Variants in ALDH3A1 observed in about 807,000 individuals in gnomAD.
ALDH3A1 encodes aldehyde dehydrogenase 3 family member A1, also known as aldehyde dehydrogenase, dimeric NADP-preferring.
Under a neutral mutation model 49.9 loss-of-function variants are expected in ALDH3A1, and 46 were observed. That is an observed-to-expected ratio of 0.92 (90% CI 0.73 to 1.18). The LOEUF (loss-of-function observed/expected upper bound fraction) is 1.18. ALDH3A1 is among the 50% of genes most tolerant of loss of function. The pLI, the probability that ALDH3A1 is intolerant of heterozygous loss-of-function variation, is 0.00. For synonymous variants in ALDH3A1, 269 were observed against 253.3 expected, an observed-to-expected ratio of 1.06 and a Z score of -0.59; for missense variants, 592 against 611.8, an observed-to-expected ratio of 0.97 and a Z score of 0.34.
At position 19,739,619 on chromosome 17, in the gene ALDH3A1, G is replaced by A; in HGVS notation, c.1005C>T (p.Ile335=). ...ACACGATGGGCAGCACAGGCCCGAA[G>A]ATCTCCTCTTGCATCACCGGGGACT... ...DPQSPVMQEE[I]FGPVLPIVCV... The change falls in exon 8 of 11, where the codon ATC becomes ATT. Residue 335 remains isoleucine, a synonymous_variant. Coordinates refer to ENST00000225740, the MANE Select transcript of ALDH3A1 (RefSeq NM_000691.5). 6.2e-7 allele frequency: 1 copy of A among 1,614,010 alleles called. No homozygotes were observed. The highest frequency in any genetic ancestry group is 8.5e-7 in the Non-Finnish European group (1 of 1,179,978).
At position 19,741,077 on chromosome 17, in the gene ALDH3A1, AG is replaced by A. The variant is rs1161570345; in HGVS notation, c.807+15del. On this transcript the variant is annotated intron_variant, in intron 6 of 10. Transcript: ENST00000225740. ...TACAGCCTCTCATCCCACCCTGCCA[AG>A]GGGTCAACACTCACTTTCAGTGACT... The A allele has an allele frequency of 1.9e-6, 3 of 1,605,030 alleles. No individual in the cohort carries two copies. The highest frequency in any genetic ancestry group is 2.6e-6 in the Non-Finnish European group (3 of 1,171,902).
intron 4 of ALDH3A1, 138 bp from the exon 5 acceptor site, chr17:19,742,350 T>C: frequency 8.8e-7 from 1 of 1,131,646 alleles, no homozygotes; most frequent in Non-Finnish European, 1.3e-6. Context: ...TAGCAGTAAC[T>C]GGCAGTAGAC....
rs1195529712 is a variant in ALDH3A1 at position 19,743,811 on chromosome 17, G to C, written c.163-348C>G. 2.1e-6 allele frequency: 2 copies of C among 972,830 alleles called. No homozygotes were observed. The highest frequency in any genetic ancestry group is 1.2e-6 in the Non-Finnish European group (1 of 819,618). The allele number at this position is 972,830 out of a possible 1,614,324, so 60.3% of individuals were successfully genotyped here. On this transcript the variant is annotated intron_variant, in intron 2 of 10. Transcript: ENST00000225740. This position sits in a 1 kb window ranked among gnomAD's most constrained non-coding sequence, Gnocchi z 4.4. ...GCAGTGGGAATGGATCCGGGGAGGG[G>C]GGGATGGATCCGGGGAGGGGGGATA... is the stretch of plus-strand genomic sequence containing the variant.
In ALDH3A1 at chr17:19,740,439, A is replaced by G. The variant is rs779629873; in HGVS notation, c.846T>C (p.Tyr282=). 6.2e-7 allele frequency: 1 copy of G among 1,613,970 alleles called. No homozygotes were observed. Among genetic ancestry groups the G allele is most frequent in the African/African-American group, 1.3e-5 (1 of 74,904 alleles). The change falls in exon 7 of 11, where the codon TAT becomes TAC. Residue 282 remains tyrosine, a synonymous_variant. Transcript: ENST00000225740. ...YGEDAKKSRD[Y]GRIISARHFQ... ...AGTGCCGGGCACTAATGATTCTTCC[A>G]TAGTCCCGGGATTTCTTAGCATCTT...
At chr17:19,746,826 T>A (rs183815089) in intron 1 of ALDH3A1, among the ~76,000 whole-genome samples, 54 of 152,316 alleles carry the variant, frequency 3.5e-4, no homozygotes, top group African/African-American at 1.2e-3. Context: ...GGGGTGGAAT[T>A]ATTGATGATC....
chr17:19,739,474 C>T lies in ALDH3A1; in HGVS notation c.1116+34G>A, dbSNP rs79905857. 297 of 1,590,008 alleles carry T rather than the reference C, an allele frequency of 1.9e-4. 3 individuals carry two copies. In the East Asian group the frequency reaches 6.1e-3, roughly 32 times the overall value. ...GAACCCAGGTCTGTGGGCCCCAGGA[C>T]CCTGGCAGAGGGCACCCCAGGCCCA... is the stretch of plus-strand genomic sequence containing the variant. On this transcript the variant is annotated intron_variant, in intron 8 of 10. Coordinates refer to ENST00000225740, the MANE Select transcript of ALDH3A1 (RefSeq NM_000691.5).
chr17:19,743,741 A>G lies in ALDH3A1; in HGVS notation c.163-278T>C, dbSNP rs1170879149. The G allele has an allele frequency of 1.0e-6, 1 of 981,592 alleles. No homozygotes were observed. The highest frequency in any genetic ancestry group is 1.8e-5 in the African/African-American group (1 of 56,160). The allele number at this position is 981,592 out of a possible 1,614,324, so 60.8% of individuals were successfully genotyped here. A position where few individuals can be genotyped will look rare whatever the true frequency, so the allele number is the denominator to read the frequency against. On this transcript the variant is annotated intron_variant, in intron 2 of 10. Transcript: ENST00000225740. This position sits in a 1 kb window ranked among gnomAD's most constrained non-coding sequence, Gnocchi z 4.4. ...GGACCAGGCATGGGCAACGGAATGG[A>G]TCCAGGTAGGGGGAATAGAGCCGGG... is the stretch of plus-strand genomic sequence containing the variant.
At chr17:19,744,393 A>C in intron 2 of ALDH3A1, 1 of 965,630 alleles carries the variant, frequency 1.0e-6, no homozygotes, top group African/African-American at 1.8e-5. Context: ...ACAGAGCGAG[A>C]CTCTGTCTCA....
At chr17:19,744,895 T>TGGC in intron 2 of ALDH3A1, 73 bp downstream of exon 2, 2 of 924,168 alleles carry the variant, frequency 2.2e-6, no homozygotes, top group East Asian at 6.7e-5. Flanking sequence ...GGTCGCACTC[T>TGGC]CCCCAGCCCC....
intron 8 of ALDH3A1, 22 bp downstream of exon 8, chr17:19,739,486 G>A (rs1253374061): frequency 3.1e-6 from 5 of 1,598,216 alleles, no homozygotes; most frequent in Non-Finnish European, 4.3e-6. Context: ...CTGGCAGAGG[G>A]CACCCCAGGC....
rs756727090 is a variant in ALDH3A1, at chr17:19,745,009, C to G, written c.121G>C (p.Glu41Gln). Reference sequence around the variant, plus strand: ...GCCAGCGCGCCCACCAGCTCCTGCTCCTGCTCCTGGATCAGGCGCTGCAGC... The same window carrying G: ...GCCAGCGCGCCCACCAGCTCCTGCTGCTGCTCCTGGATCAGGCGCTGCAGC... The part of the protein sequence containing the change: ...EALQRLIQEQ[E>Q]QELVGALAAD... Residue 41 changes from glutamate (E) to glutamine (Q), a missense_variant, in exon 2 of 11, where the codon GAG becomes CAG. Physicochemically the swap from Glu to Gln is conservative, Grantham distance 29. Coordinates refer to ENST00000225740, the MANE Select transcript of ALDH3A1 (RefSeq NM_000691.5). 11 of 1,592,562 alleles carry G rather than the reference C, an allele frequency of 6.9e-6. No homozygotes were observed. The Admixed American group carries it at 1.0e-4, about 15-fold the overall frequency.
chr17:19,739,572 GCCT>G lies in ALDH3A1; in HGVS notation c.1049_1051del (p.Glu350del), dbSNP rs1206334605. ...CTCACGCTGGTTGATGAACTGGATG[GCCT>G]CCTCCAGGCTGCGCACGCACACGAT... On this transcript the variant is annotated inframe_deletion, in exon 8 of 11. Coordinates refer to ENST00000225740, the MANE Select transcript of ALDH3A1 (RefSeq NM_000691.5). 9.9e-6 allele frequency: 16 copies of G among 1,613,588 alleles called. No individual in the cohort carries two copies. Among genetic ancestry groups the G allele is most frequent in the Middle Eastern group, 3.3e-4 (2 of 6,084 alleles).
chr17:19,741,502 G>A (rs1223279130), intron 5 of ALDH3A1: 1 of 388,076 alleles, frequency 2.6e-6, no homozygotes, highest in African/African-American at 2.0e-5. Context: ...TGCTACTCGG[G>A]CCCCCCTACA....
In ALDH3A1 at chr17:19,738,246, G is replaced by A. The variant is rs1441305242; in HGVS notation, c.1348-11C>T. 1 of 1,613,948 alleles carries A rather than the reference G, an allele frequency of 6.2e-7. No individual in the cohort carries two copies. The highest frequency in any genetic ancestry group is 8.5e-7 in the Non-Finnish European group (1 of 1,180,028). The stretch of plus-strand genomic sequence containing the variant: ...TCAGTGCTGGGTCATCTGTGAAAGG[G>A]ACACGGAGTGGGCAGTGATCCCCAG... On this transcript the variant is annotated splice_polypyrimidine_tract_variant and intron_variant, in intron 10 of 10. Transcript: ENST00000225740.
Position 19,740,510 on chromosome 17 carries a change from A to G in ALDH3A1, c.808-33T>C, listed in dbSNP as rs748016437. 8.7e-6 allele frequency: 14 copies of G among 1,611,122 alleles called. 1 individual carries two copies. In the South Asian group the frequency reaches 1.4e-4, roughly 16 times the overall value. ...GAAGAGGTGGGGGCTTCGGGTAAGG[A>G]CGCAGAGCCTCGTCCTGCCCAAAGG... On this transcript the variant is annotated intron_variant, in intron 6 of 10. Transcript: ENST00000225740.
chr17:19,744,793 G>C, intron 2 of ALDH3A1, 175 bp downstream of exon 2: 1 of 1,368,784 alleles, frequency 7.3e-7, no homozygotes, highest in Admixed American at 3.7e-5. Flanking sequence ...GAGGCGGCGG[G>C]GGCGCGCGGG....
rs1232489890 is a variant in ALDH3A1, at chr17:19,745,097, G to A, written c.33C>T (p.Ala11=). Residue 11 remains alanine (A), a synonymous_variant, in exon 2 of 11, where the codon GCC becomes GCT. Transcript: ENST00000225740. ...TCCTGCCCGAGCTGAAGGCGGCGCG[G>A]GCGCGCTTCACGGCCTCGCTGATCT... MSKISEAVKR[A]RAAFSSGRTR... The A allele has an allele frequency of 1.9e-6, 3 of 1,590,004 alleles. No individual in the cohort carries two copies. The highest frequency in any genetic ancestry group is 2.6e-6 in the Non-Finnish European group (3 of 1,174,312).
At chr17:19,744,415 A>T (rs2086560045) in intron 2 of ALDH3A1, 4 of 981,872 alleles carry the variant, frequency 4.1e-6, no homozygotes, top group East Asian at 1.1e-4. Flanking sequence ...ATAAATAAAT[A>T]AAATAAAATA....
At chr17:19,740,300 T>C in intron 7 of ALDH3A1, 36 bp downstream of exon 7, 1 of 1,605,198 alleles carries the variant, frequency 6.2e-7, no homozygotes, top group Non-Finnish European at 8.5e-7. Context: ...CCCTGCAGCC[T>C]GGGCAGGTGG....
Sources: allele counts gnomAD v4.1 joint callset (sites outside exome capture counted in the v4.1 genomes callset), GRCh38; gene constraint gnomAD v4.1.1; non-coding constraint Gnocchi (gnomAD v3.1); transcripts MANE v1.5; gene names NCBI Gene and HGNC (gene_info 2026-07-23, HGNC 2026-07-21).